SV2C: variants seen among roughly 807,000 people sequenced by gnomAD.
SV2C encodes the protein synaptic vesicle glycoprotein 2C, also known as solute carrier family 22 member B3.
A neutral mutation model predicts 79.7 loss-of-function variants in SV2C; 49 were observed. The ratio of observed to expected loss-of-function variants is 0.61; its 90% CI spans 0.49 to 0.78. SV2C has a LOEUF of 0.78. Among genes scored for constraint, SV2C ranks in the 30% least tolerant of loss-of-function variants. The probability of loss-of-function intolerance (pLI) is 0.00; values close to 1 mark genes in which losing one functional copy is unlikely to be tolerated. For synonymous variants in SV2C, 334 were observed against 333.2 expected (o/e 1.00, Z -0.03); for missense variants, 833 against 912.9 (o/e 0.91, Z 1.13).
At chr5:76,111,269 C>G (rs1281306935) in intron 1 of SV2C, among the ~76,000 whole-genome samples, 5 of 151,900 alleles carry the variant, frequency 3.3e-5, no homozygotes, top group Non-Finnish European at 7.4e-5. Flanking sequence ...TTTTAATGCC[C>G]TTTGAATTAT....
At chr5:76,229,299 G>A (rs1373730963) in intron 4 of SV2C, among the ~76,000 whole-genome samples, 1 of 152,214 alleles carries the variant, frequency 6.6e-6, no homozygotes, top group African/African-American at 2.4e-5. Flanking sequence ...TTCAGAGCTT[G>A]AGGATCTCTG....
the SV2C span, among the ~76,000 whole-genome samples, chr5:75,929,398 G>A: frequency 6.6e-6 from 1 of 151,948 alleles, no homozygotes; most frequent in Admixed American, 6.6e-5. Context: ...CTAAGGCATG[G>A]TGGGGAAGCT....
intron 3 of SV2C, among the ~76,000 whole-genome samples, chr5:76,208,264 T>TAGGG (rs1311205660): frequency 6.6e-6 from 1 of 152,240 alleles, no homozygotes; most frequent in African/African-American, 2.4e-5. Flanking sequence ...AAATGATACT[T>TAGGG]ATGCTTATCC....
chr5:75,891,008 A>G, the SV2C span, among the ~76,000 whole-genome samples: 2 of 152,052 alleles, frequency 1.3e-5, no homozygotes, highest in Admixed American at 6.6e-5. Flanking sequence ...AGGGAGGCTG[A>G]TGGTAGATAT....
intron 1 of SV2C, among the ~76,000 whole-genome samples, chr5:76,123,404 G>A (rs1748598504): frequency 6.6e-6 from 1 of 152,146 alleles, no homozygotes; most frequent in Non-Finnish European, 1.5e-5. Flanking sequence ...TGATACCAAA[G>A]CCTAGCAGAG....
chr5:76,305,851 G>A (rs995160980), intron 12 of SV2C, among the ~76,000 whole-genome samples: 1 of 152,188 alleles, frequency 6.6e-6, no homozygotes, highest in Non-Finnish European at 1.5e-5. Context: ...AGATTAGAGA[G>A]CACTTACACA....
the SV2C span, among the ~76,000 whole-genome samples, chr5:76,028,553 A>G: frequency 6.6e-6 from 1 of 152,266 alleles, no homozygotes; most frequent in Non-Finnish European, 1.5e-5. Flanking sequence ...CAGTGGCAGC[A>G]AATCATCATG....
chr5:75,863,554 A>G, the SV2C span, among the ~76,000 whole-genome samples: 1 of 152,218 alleles, frequency 6.6e-6, no homozygotes, highest in Non-Finnish European at 1.5e-5. Flanking sequence ...TGGAACAATT[A>G]GGTTTCTTTG....
intron 1 of SV2C, among the ~76,000 whole-genome samples, chr5:76,122,527 T>G (rs1748548672): frequency 6.6e-6 from 1 of 152,220 alleles, no homozygotes. Context: ...TAGCTCTTAT[T>G]ATTTTGAGAT....
At chr5:75,910,209 G>C in the SV2C span, 2 of 376,014 alleles carry the variant, frequency 5.3e-6, no homozygotes, top group South Asian at 4.3e-5. Flanking sequence ...GGCTGAAGCA[G>C]GTGGATTGCA....
intron 2 of SV2C, among the ~76,000 whole-genome samples, chr5:76,189,188 A>T (rs1454937909): frequency 6.6e-6 from 1 of 151,010 alleles, no homozygotes; most frequent in Non-Finnish European, 1.5e-5. Context: ...TTGTCCAAGG[A>T]TTTTTCTAGC....
the SV2C span, among the ~76,000 whole-genome samples, chr5:76,031,437 C>G: frequency 1.3e-5 from 2 of 152,236 alleles, no homozygotes; most frequent in Admixed American, 6.5e-5. Context: ...CTACACACCC[C>G]TTCTTGCTGC....
the SV2C span, chr5:75,921,373 G>C: frequency 1.1e-6 from 1 of 907,826 alleles, no homozygotes; most frequent in Non-Finnish European, 1.9e-6. Context: ...GGGGGTGCTG[G>C]TAGGTGTCCT....
At chr5:75,896,227 C>T in the SV2C span, among the ~76,000 whole-genome samples, 18 of 139,564 alleles carry the variant, frequency 1.3e-4, 1 homozygote, top group Admixed American at 1.4e-3. Context: ...CCCTACCCCA[C>T]AACAGTCCCC....
At chr5:76,281,117 T>C (rs773672128) in intron 4 of SV2C, 1 of 542,308 alleles carries the variant, frequency 1.8e-6, no homozygotes, top group Non-Finnish European at 3.8e-6. Flanking sequence ...AATTACCTTA[T>C]ACAGATGACA....
chr5:76,212,982 T>C (rs544011508), intron 4 of SV2C, among the ~76,000 whole-genome samples: 1 of 152,244 alleles, frequency 6.6e-6, no homozygotes, highest in South Asian at 2.1e-4. Flanking sequence ...TGAGGGAAAG[T>C]TGGGAATCAT....
chr5:75,898,042 T>C, the SV2C span, among the ~76,000 whole-genome samples: 1 of 152,006 alleles, frequency 6.6e-6, no homozygotes, highest in African/African-American at 2.4e-5. Context: ...CCTCTTTTCC[T>C]AATTGAATAC....
intron 2 of SV2C, among the ~76,000 whole-genome samples, chr5:76,154,704 A>T (rs2112236666): frequency 6.6e-6 from 1 of 152,320 alleles, no homozygotes; most frequent in South Asian, 2.1e-4. Context: ...ACTAAAGAAC[A>T]TAAAACTAAC....
chr5:76,115,894 C>T (rs1345702481), intron 1 of SV2C, among the ~76,000 whole-genome samples: 1 of 152,218 alleles, frequency 6.6e-6, no homozygotes, highest in Non-Finnish European at 1.5e-5. Context: ...GCCACTTGGC[C>T]TCATTGCCAT....
Sources: allele counts gnomAD v4.1 joint callset (sites outside exome capture counted in the v4.1 genomes callset), GRCh38; gene constraint gnomAD v4.1.1; transcripts MANE v1.5; gene names NCBI Gene and HGNC (gene_info 2026-07-23, HGNC 2026-07-21).